The following PHTF1 variants were observed in gnomAD, a reference collection of about 807,000 sequenced individuals.
PHTF1 encodes the protein putative homeodomain transcription factor 1.
Under a neutral mutation model 102.4 loss-of-function variants are expected in PHTF1, and 88 were observed. That is an observed-to-expected ratio of 0.86 (90% CI 0.72 to 1.03). The LOEUF (loss-of-function observed/expected upper bound fraction) is 1.03, where lower values mean the gene tolerates loss of function less well. Among genes scored for constraint, PHTF1 ranks in the 50% least tolerant of loss-of-function variants. The pLI is 0.00. For synonymous variants in PHTF1, 289 were observed against 305.2 expected (o/e 0.95, Z 0.55); for missense variants, 814 against 909.5 (o/e 0.89, Z 1.35).
At chr1:113,756,343 G>A (rs1658877347) in intron 3 of PHTF1, among the ~76,000 whole-genome samples, 1 of 152,032 alleles carries the variant, frequency 6.6e-6, no homozygotes, top group Non-Finnish European at 1.5e-5. Flanking sequence ...AAAGTTAGTC[G>A]GCTACTTGTT....
chr1:113,744,226 A>G (rs1007190641), intron 3 of PHTF1, among the ~76,000 whole-genome samples: 1 of 152,188 alleles, frequency 6.6e-6, no homozygotes, highest in African/African-American at 2.4e-5. Flanking sequence ...CCCCCAACAT[A>G]ACTGTGCAAC....
At chr1:113,720,767 C>G (rs939547913) in intron 7 of PHTF1, among the ~76,000 whole-genome samples, 7 of 152,186 alleles carry the variant, frequency 4.6e-5, no homozygotes, top group Admixed American at 2.0e-4. Context: ...ACTCTATGTG[C>G]GGGTGCCCAC....
rs1205905133 is a variant in PHTF1, at chr1:113,697,439, CTT to C, written c.*264_*265del. On this transcript the variant is annotated 3_prime_UTR_variant, in exon 19 of 19. Coordinates refer to ENST00000369604, the MANE Select transcript of PHTF1 (RefSeq NM_001323043.2). ...CTGAAGCGCAAACTTACAAAATTGT[CTT>C]TGTGTTACCACAACACACACAGTCT... is the stretch of plus-strand genomic sequence containing the variant. 5.5e-6 allele frequency: 2 copies of C among 363,668 alleles called. No homozygotes were observed. Among genetic ancestry groups the C allele is most frequent in the Non-Finnish European group, 1.0e-5 (2 of 199,084 alleles). The allele number at this position is 363,668 out of a possible 1,614,324, so 22.5% of individuals were successfully genotyped here.
At chr1:113,739,807 C>T (rs1238712927) in intron 3 of PHTF1, among the ~76,000 whole-genome samples, 1 of 152,124 alleles carries the variant, frequency 6.6e-6, no homozygotes, top group Non-Finnish European at 1.5e-5. Context: ...TTTTAGCTTC[C>T]ATGTATGTGT....
chr1:113,700,674 G>T, intron 16 of PHTF1, 120 bp downstream of exon 16: 2 of 820,118 alleles, frequency 2.4e-6, no homozygotes, highest in Non-Finnish European at 3.8e-6. Context: ...TGACTTGTGA[G>T]GTCCTGTAGC....
In PHTF1 at chr1:113,699,520, A is replaced by G. The variant is rs1200868488; in HGVS notation, c.2142+184T>C. ...CTTTGTCCTTAATCTTGCCTCCAGG[A>G]GCTCTGTGACCTCAGCTCTGGTCCT... is the stretch of plus-strand genomic sequence containing the variant. On this transcript the variant is annotated intron_variant, in intron 17 of 18. Transcript: ENST00000369604. The G allele has an allele frequency of 4.6e-6, 3 of 657,784 alleles. No homozygotes were observed. The East Asian group carries it at 8.4e-5, about 18-fold the overall frequency. The allele number at this position is 657,784 out of a possible 1,614,324, so 40.7% of individuals were successfully genotyped here.
chr1:113,746,878 C>T (rs1394927267), intron 3 of PHTF1: 27 of 884,944 alleles, frequency 3.1e-5, no homozygotes, highest in Non-Finnish European at 3.5e-5. Context: ...TACATCCTAG[C>T]TATTTCTTCT....
chr1:113,724,912 A>G lies in PHTF1; in HGVS notation c.489-19T>C, dbSNP rs771467822. On this transcript the variant is annotated intron_variant, in intron 6 of 18. Coordinates refer to ENST00000369604, the MANE Select transcript of PHTF1 (RefSeq NM_001323043.2). ...TAATTTTCTACAAAAAAAAATTTCA[A>G]TAACTTCAGATTATTCAAGACCCTT... 13 of 1,568,116 alleles carry G rather than the reference A, an allele frequency of 8.3e-6. No homozygotes were observed. Among genetic ancestry groups the G allele is most frequent in the African/African-American group, 2.8e-5 (2 of 72,656 alleles).
chr1:113,709,286 A>G (rs1159261049), intron 11 of PHTF1, among the ~76,000 whole-genome samples: 2 of 152,212 alleles, frequency 1.3e-5, no homozygotes, highest in African/African-American at 2.4e-5. Flanking sequence ...TTCATTTTTT[A>G]AAAATTATAT....
chr1:113,746,939 G>T, intron 3 of PHTF1: 1 of 281,498 alleles, frequency 3.6e-6, no homozygotes, highest in Non-Finnish European at 5.4e-6. Flanking sequence ...AATTTCAGAT[G>T]TTATCCATTC....
chr1:113,705,193 C>A (rs1174279770), intron 13 of PHTF1, among the ~76,000 whole-genome samples: 1 of 152,214 alleles, frequency 6.6e-6, no homozygotes, highest in African/African-American at 2.4e-5. Context: ...GTAATCCCAG[C>A]ACTTTGGGAG....
chr1:113,730,594 T>C (rs370835947), intron 5 of PHTF1, among the ~76,000 whole-genome samples: 1 of 152,218 alleles, frequency 6.6e-6, no homozygotes, highest in African/African-American at 2.4e-5. Context: ...ACAATTAGAA[T>C]TGATGACAAA....
rs779877839 is a variant in PHTF1 at position 113,712,053 on chromosome 1, C to T, written c.844G>A (p.Glu282Lys). 4 of 1,613,972 alleles carry T rather than the reference C, an allele frequency of 2.5e-6. No homozygotes were observed. The South Asian group carries it at 3.3e-5, about 13-fold the overall frequency. ...SDDLSSEEDGEARTQMILLRR... is the reference protein window; with the variant it reads ...SDDLSSEEDGKARTQMILLRR... ...AATAATATCATCTGTGTCCGTGCTTCACCATCTTCTTCACTTGACAGGTCA... is the reference window on the plus strand; with the variant it reads ...AATAATATCATCTGTGTCCGTGCTTTACCATCTTCTTCACTTGACAGGTCA... Residue 282 changes from glutamate to lysine, a missense_variant, in exon 9 of 19, where the codon GAA becomes AAA. Glu to Lys is a moderately conservative substitution (Grantham distance 56, BLOSUM62 1). Coordinates refer to ENST00000369604, the MANE Select transcript of PHTF1 (RefSeq NM_001323043.2).
intron 7 of PHTF1, among the ~76,000 whole-genome samples, chr1:113,716,305 AG>A (rs1652021798): frequency 6.7e-6 from 1 of 149,298 alleles, no homozygotes; most frequent in Admixed American, 6.7e-5. Context: ...GCTAGGAGAG[AG>A]TGGTATGACA....
intron 3 of PHTF1, among the ~76,000 whole-genome samples, chr1:113,750,101 C>G (rs1011506984): frequency 6.6e-6 from 1 of 151,868 alleles, no homozygotes; most frequent in Non-Finnish European, 1.5e-5. Context: ...CTCAGGCGAT[C>G]CCCCCCAACC....
intron 5 of PHTF1, among the ~76,000 whole-genome samples, chr1:113,736,741 G>A (rs1028103211): frequency 8.6e-5 from 13 of 152,004 alleles, no homozygotes; most frequent in Admixed American, 4.6e-4. Flanking sequence ...GCCAAACTCC[G>A]AATGCTTCAA....
chr1:113,706,833 C>T, intron 11 of PHTF1, 111 bp from the exon 12 acceptor site: 2 of 526,418 alleles, frequency 3.8e-6, no homozygotes, highest in South Asian at 3.2e-5. Flanking sequence ...CTCTATAATG[C>T]TGGTCCTTTC....
chr1:113,734,698 G>C (rs956211925), intron 5 of PHTF1, among the ~76,000 whole-genome samples: 1 of 152,184 alleles, frequency 6.6e-6, no homozygotes, highest in Non-Finnish European at 1.5e-5. Context: ...AAAGTTCTTA[G>C]CCTATCCACA....
Position 113,724,758 on chromosome 1 carries a change from C to G in PHTF1, c.623+1G>C. 1 of 1,593,114 alleles carries G rather than the reference C, an allele frequency of 6.3e-7. No individual in the cohort carries two copies. Among genetic ancestry groups the G allele is most frequent in the Non-Finnish European group, 8.5e-7 (1 of 1,173,688 alleles). ...CAAAATCAAGTAAAAAAGACTCCCA[C>G]CTGTTGCCAAAGATAGTCTCCCAAA... On this transcript the variant is annotated splice_donor_variant, in intron 7 of 18. Coordinates refer to ENST00000369604, the MANE Select transcript of PHTF1 (RefSeq NM_001323043.2). LOFTEE classifies it high-confidence loss of function.
Sources: gnomAD v4.1 joint callset for allele counts (sites outside exome capture counted in the v4.1 genomes callset) on GRCh38, gnomAD v4.1.1 for gene constraint, MANE v1.5 for transcripts, NCBI Gene and HGNC (gene_info 2026-07-23, HGNC 2026-07-21) for gene names.